The following PLEKHA7 variants were observed in gnomAD, a reference collection of about 807,000 sequenced individuals.
PLEKHA7 encodes the protein pleckstrin homology domain-containing family A member 7.
In PLEKHA7, 104 loss-of-function variants were observed where a neutral mutation model predicts 170.0. The observed-to-expected ratio is 0.61, with a 90% CI of 0.52 to 0.72. PLEKHA7 has a LOEUF of 0.72. Ranked by LOEUF, PLEKHA7 falls within the 30% of genes least tolerant of loss-of-function variation. PLEKHA7 has a pLI of 0.00. For missense variants in PLEKHA7, 1,615 were observed against 1,671.7 expected, an observed-to-expected ratio of 0.97 and a Z score of 0.59; for synonymous variants, 648 against 660.8, an observed-to-expected ratio of 0.98 and a Z score of 0.30.
At chr11:16,928,975 GTTGA>G (rs1859746606) in intron 3 of PLEKHA7, among the ~76,000 whole-genome samples, 1 of 152,130 alleles carries the variant, frequency 6.6e-6, no homozygotes, top group African/African-American at 2.4e-5. Flanking sequence ...CAGAATTACA[GTTGA>G]TTTTTACTTC....
At chr11:16,949,729 G>A (rs1861283306) in intron 3 of PLEKHA7, among the ~76,000 whole-genome samples, 1 of 152,118 alleles carries the variant, frequency 6.6e-6, no homozygotes, top group Non-Finnish European at 1.5e-5. Flanking sequence ...TAGCACAGGA[G>A]TTAAGACATG....
At chr11:16,804,102 C>T (rs1848784693) in intron 13 of PLEKHA7, among the ~76,000 whole-genome samples, 1 of 152,110 alleles carries the variant, frequency 6.6e-6, no homozygotes, top group Non-Finnish European at 1.5e-5. Context: ...TTCCATTTCC[C>T]CCAATTTCTT....
chr11:16,817,312 C>T lies in PLEKHA7; in HGVS notation c.1354G>A (p.Asp452Asn). The T allele has an allele frequency of 6.2e-7, 1 of 1,608,226 alleles. No individual in the cohort carries two copies. The part of the protein sequence containing the change: ...QKGDSRSLPL[D>N]QTLPRQGPGQ... Reference sequence around the variant, plus strand: ...GGACCCTGGCGAGGAAGCGTCTGGTCCAAGGGAAGACTGAGGAGAAAGGGT... The same window carrying T: ...GGACCCTGGCGAGGAAGCGTCTGGTTCAAGGGAAGACTGAGGAGAAAGGGT... Residue 452 changes from aspartate to asparagine, a missense_variant, in exon 11 of 27, where the codon GAC (aspartate) becomes AAC (asparagine). Transcript: ENST00000531066. This position sits in a 1 kb window ranked among gnomAD's most constrained non-coding sequence, Gnocchi z 4.4.
At chr11:16,868,168 T>C (rs1358041003) in intron 4 of PLEKHA7, among the ~76,000 whole-genome samples, 1 of 152,174 alleles carries the variant, frequency 6.6e-6, no homozygotes, top group East Asian at 1.9e-4. Context: ...GTCCCCTTTA[T>C]CAATTCCCAT....
intron 21 of PLEKHA7, 162 bp from the exon 22 acceptor site, chr11:16,790,040 A>G (rs976032883): frequency 6.8e-5 from 46 of 679,622 alleles, no homozygotes; most frequent in Admixed American, 1.2e-4. Flanking sequence ...AAGGTCCCCA[A>G]TAGAGGATGG....
intron 13 of PLEKHA7, among the ~76,000 whole-genome samples, chr11:16,805,115 T>C (rs1848866192): frequency 6.6e-6 from 1 of 152,232 alleles, no homozygotes; most frequent in Non-Finnish European, 1.5e-5. Context: ...TTGGGGCTCA[T>C]TTTCTAGGTA....
chr11:16,909,960 C>A (rs1189503149), intron 3 of PLEKHA7, among the ~76,000 whole-genome samples: 1 of 151,556 alleles, frequency 6.6e-6, no homozygotes, highest in Non-Finnish European at 1.5e-5. Context: ...AGACAATGAC[C>A]CTAAAGAGAT....
At chr11:16,884,984 T>C (rs1855973117) in intron 3 of PLEKHA7, among the ~76,000 whole-genome samples, 1 of 152,204 alleles carries the variant, frequency 6.6e-6, no homozygotes, top group African/African-American at 2.4e-5. Flanking sequence ...AACTCCTACT[T>C]TGTACCAACA....
chr11:16,931,656 G>T (rs150625819), intron 3 of PLEKHA7, among the ~76,000 whole-genome samples: 191 of 152,008 alleles, frequency 1.3e-3, no homozygotes, highest in African/African-American at 3.7e-3. Flanking sequence ...CAGCTACTTG[G>T]GAGGCTGAGA....
At chr11:16,892,619 CTTT>C (rs10674972) in intron 3 of PLEKHA7, among the ~76,000 whole-genome samples, 20 of 82,412 alleles carry the variant, frequency 2.4e-4, no homozygotes, top group African/African-American at 5.8e-4. Context: ...CTTCCAGCTT[CTTT>C]TTTTTTTTTT....
chr11:16,981,055 G>A (rs1210467412), intron 3 of PLEKHA7, among the ~76,000 whole-genome samples: 1 of 152,074 alleles, frequency 6.6e-6, no homozygotes, highest in East Asian at 1.9e-4. Flanking sequence ...GATCAATGGG[G>A]ACTCACTGAG....
chr11:16,995,099 A>T (rs1244256722), intron 3 of PLEKHA7, among the ~76,000 whole-genome samples: 1 of 152,210 alleles, frequency 6.6e-6, no homozygotes, highest in Admixed American at 6.5e-5. Flanking sequence ...CTATTAACTC[A>T]TTTAATCCCT....
chr11:16,809,006 T>G (rs1044959159), intron 13 of PLEKHA7, among the ~76,000 whole-genome samples: 2 of 152,176 alleles, frequency 1.3e-5, no homozygotes, highest in Non-Finnish European at 2.9e-5. Flanking sequence ...ATAATTCATA[T>G]TGCTCAAGTT....
At chr11:17,006,626 C>CAAA (rs59063580) in intron 3 of PLEKHA7, among the ~76,000 whole-genome samples, 2 of 122,182 alleles carry the variant, frequency 1.6e-5, no homozygotes, top group Non-Finnish European at 1.7e-5. Context: ...GACTCAGTCT[C>CAAA]AAAAAAAAAA....
At chr11:16,787,441 ATGGTTTCCAACTATTGT>A (rs1484656406) in intron 23 of PLEKHA7, 2 of 153,502 alleles carry the variant, frequency 1.3e-5, no homozygotes, top group Non-Finnish European at 2.9e-5. Context: ...CTCTTAGGTG[ATGGTTTCCAACTATTGT>A]TGGAAAGGAT....
Position 16,794,645 on chromosome 11 carries a change from G to A in PLEKHA7, c.2588C>T (p.Pro863Leu). Residue 863 changes from proline (P) to leucine (L), a missense_variant, in exon 19 of 27, where the codon CCC (proline) becomes CTC (leucine). Physicochemically the swap from Pro to Leu is moderately conservative, Grantham distance 98. Coordinates refer to ENST00000531066, the MANE Select transcript of PLEKHA7 (RefSeq NM_001329630.2). ...GCTGGTGGGAGGACTGGGCTGTGGGGGCGGCTTGCTCTCAGAAGTTGAGAG... is the reference window on the plus strand; with the variant it reads ...GCTGGTGGGAGGACTGGGCTGTGGGAGCGGCTTGCTCTCAGAAGTTGAGAG... ...PSLSTSESKP[P>L]PQPSPPTSPV... 6.2e-7 allele frequency: 1 copy of A among 1,614,054 alleles called. No individual in the cohort carries two copies. The highest frequency in any genetic ancestry group is 8.5e-7 in the Non-Finnish European group (1 of 1,179,994).
At chr11:16,807,000 T>C (rs886635089) in intron 13 of PLEKHA7, 4 of 190,270 alleles carry the variant, frequency 2.1e-5, no homozygotes, top group Non-Finnish European at 2.9e-5. Context: ...GAAGAGAGCT[T>C]CAGTTGAAAG....
rs144527085 is a variant in PLEKHA7 at position 16,901,465 on chromosome 11, C to A, written c.222-30283G>T. On this transcript the variant is annotated intron_variant, in intron 3 of 26. Transcript: ENST00000531066. ...CCTCTAAATTCCACCACTAGCAACT[C>A]ATTTATTTAGGTAAGCATTATCCTT... Among the ~76,000 whole-genome samples the A allele has an allele frequency of 7.4e-4, 112 of 152,316 alleles. 3 individuals are homozygous for A. The East Asian group carries it at 0.02, about 28-fold the overall frequency.
chr11:16,917,181 T>G (rs1391584723), intron 3 of PLEKHA7, among the ~76,000 whole-genome samples: 1 of 152,116 alleles, frequency 6.6e-6, no homozygotes, highest in Non-Finnish European at 1.5e-5. Flanking sequence ...TTCACGCCAC[T>G]GCCCTCCAGC....
Sources: allele counts gnomAD v4.1 joint callset (sites outside exome capture counted in the v4.1 genomes callset), GRCh38; gene constraint gnomAD v4.1.1; non-coding constraint Gnocchi (gnomAD v3.1); transcripts MANE v1.5; gene names NCBI Gene and HGNC (gene_info 2026-07-23, HGNC 2026-07-21).